TTC7B: variants seen among roughly 807,000 people sequenced by gnomAD.
TTC7B encodes tetratricopeptide repeat protein 7B.
In TTC7B, 28 loss-of-function variants were observed where a neutral mutation model predicts 106.8. That is an observed-to-expected ratio of 0.26 (90% CI 0.19 to 0.36). The LOEUF (loss-of-function observed/expected upper bound fraction) is 0.36, where lower values mean the gene tolerates loss of function less well. Ranked by LOEUF, TTC7B falls within the 10% of genes least tolerant of loss-of-function variation. The pLI, the probability that TTC7B is intolerant of heterozygous loss-of-function variation, is 1.00. For synonymous variants in TTC7B, 405 were observed against 430.6 expected (o/e 0.94, Z 0.74); for missense variants, 862 against 1,076.4 (o/e 0.80, Z 2.79).
At chr14:90,583,369 A>G (rs969761382) in intron 18 of TTC7B, among the ~76,000 whole-genome samples, 11 of 152,246 alleles carry the variant, frequency 7.2e-5, no homozygotes, top group Admixed American at 2.0e-4. Flanking sequence ...GGTGTGGGTC[A>G]GAGCAGGGCA....
chr14:90,730,446 T>C (rs1399533358), intron 4 of TTC7B, among the ~76,000 whole-genome samples: 1 of 152,082 alleles, frequency 6.6e-6, no homozygotes, highest in Non-Finnish European at 1.5e-5. Context: ...TCGGGGGTGC[T>C]GATGAGCAGG....
chr14:90,652,463 A>C (rs1885765792), intron 13 of TTC7B, among the ~76,000 whole-genome samples: 1 of 147,228 alleles, frequency 6.8e-6, no homozygotes, highest in Non-Finnish European at 1.5e-5. Flanking sequence ...TTTATACAAA[A>C]ACCTGCAGTT....
intron 17 of TTC7B, among the ~76,000 whole-genome samples, chr14:90,597,808 T>C (rs1006872256): frequency 6.6e-6 from 1 of 152,210 alleles, no homozygotes; most frequent in Non-Finnish European, 1.5e-5. Context: ...AGCACATTTT[T>C]AAAGAACCCC....
At chr14:90,650,514 A>T (rs1885670683) in intron 13 of TTC7B, among the ~76,000 whole-genome samples, 1 of 152,172 alleles carries the variant, frequency 6.6e-6, no homozygotes, top group African/African-American at 2.4e-5. Context: ...CTATATGCAC[A>T]CATCATACCA....
intron 19 of TTC7B, among the ~76,000 whole-genome samples, chr14:90,574,119 C>T (rs1019676553): frequency 6.6e-6 from 1 of 152,204 alleles, no homozygotes; most frequent in Non-Finnish European, 1.5e-5. Flanking sequence ...CACCATGAGC[C>T]ATGCTTCTCT....
At position 90,786,308 on chromosome 14, in the gene TTC7B, G is replaced by C; in HGVS notation, c.142C>G (p.Leu48Val). Residue 48 changes from leucine to valine, a missense_variant, in exon 2 of 20, where the codon CTC becomes GTC. Coordinates refer to ENST00000328459, the MANE Select transcript of TTC7B (RefSeq NM_001010854.2). ...TACTGCTCCAGCTTCGACTCCCCGA[G>C]GAGAAGCTCTGCCATGTCATCTACA... ...IANDDMAELLLGESKLEQYLK... is the reference protein window; with the variant it reads ...IANDDMAELLVGESKLEQYLK... 6.2e-7 allele frequency: 1 copy of C among 1,613,470 alleles called. No homozygotes were observed. Among genetic ancestry groups the C allele is most frequent in the African/African-American group, 1.3e-5 (1 of 74,986 alleles).
chr14:90,700,293 C>A (rs778998779), intron 5 of TTC7B, among the ~76,000 whole-genome samples: 6 of 152,150 alleles, frequency 3.9e-5, no homozygotes. Flanking sequence ...AACTTTCCTG[C>A]CCTTGTGCCT....
At chr14:90,710,204 G>A (rs1345795842) in intron 5 of TTC7B, among the ~76,000 whole-genome samples, 2 of 152,214 alleles carry the variant, frequency 1.3e-5, no homozygotes, top group East Asian at 3.9e-4. Flanking sequence ...TGACTTTGAG[G>A]GCTTCAAATC....
chr14:90,549,005 G>A (rs1255995637), intron 19 of TTC7B, among the ~76,000 whole-genome samples: 1 of 151,958 alleles, frequency 6.6e-6, no homozygotes, highest in East Asian at 1.9e-4. Flanking sequence ...GCGGGCGCCT[G>A]TAGTCCCAGC....
At chr14:90,622,370 C>T (rs181770307) in intron 15 of TTC7B, among the ~76,000 whole-genome samples, 211 of 152,046 alleles carry the variant, frequency 1.4e-3, no homozygotes, top group African/African-American at 4.9e-3. Flanking sequence ...CTACCTGCCT[C>T]GGCCTCCTGA....
At position 90,676,649 on chromosome 14, in the gene TTC7B, G is replaced by T; in HGVS notation, c.1026C>A (p.Asp342Glu). 6.2e-7 allele frequency: 1 copy of T among 1,613,870 alleles called. No individual in the cohort carries two copies. Among genetic ancestry groups the T allele is most frequent in the Non-Finnish European group, 8.5e-7 (1 of 1,179,896 alleles). Residue 342 changes from aspartate (D) to glutamate (E), a missense_variant, in exon 9 of 20, where the codon GAC becomes GAA. Asp to Glu is a conservative substitution (Grantham distance 45, BLOSUM62 2). Coordinates refer to ENST00000328459, the MANE Select transcript of TTC7B (RefSeq NM_001010854.2). ...GTTCAGGTATCCTGCTCAGCACAGC[G>T]TCCCGGTTGGCCTGAAAAAACATGG... ...LLISESMANRDAVLSRIPEHK... is the reference protein window; with the variant it reads ...LLISESMANREAVLSRIPEHK...
chr14:90,661,386 G>C (rs1886198505), intron 9 of TTC7B, among the ~76,000 whole-genome samples: 1 of 152,200 alleles, frequency 6.6e-6, no homozygotes, highest in Non-Finnish European at 1.5e-5. Context: ...AATGAAAGCA[G>C]CATGCTGAGA....
chr14:90,661,872 A>G (rs1487715813), intron 9 of TTC7B, among the ~76,000 whole-genome samples: 1 of 152,238 alleles, frequency 6.6e-6, no homozygotes, highest in Admixed American at 6.5e-5. Context: ...GATGCTATAA[A>G]TAAGTATGCA....
rs145392805 is a variant in TTC7B at position 90,541,600 on chromosome 14, C to CAG, written c.2311-13_2311-12dup. 282 of 1,532,012 alleles carry CAG rather than the reference C, an allele frequency of 1.8e-4. No homozygotes were observed. The Middle Eastern group carries it at 4.7e-3, about 26-fold the overall frequency. 94.9% of individuals were successfully genotyped at this position (1,532,012 alleles called of 1,614,324 possible). A position where few individuals can be genotyped will look rare whatever the true frequency, so the allele number is the denominator to read the frequency against. On this transcript the variant is annotated splice_polypyrimidine_tract_variant and intron_variant, in intron 19 of 19. Coordinates refer to ENST00000328459, the MANE Select transcript of TTC7B (RefSeq NM_001010854.2). Reference sequence around the variant, plus strand: ...GTGAAGGATCAGGGCCTGGAGAGGTCAGAGAGAGAGAGAGACAGTCAGCCA... The same window carrying CAG: ...GTGAAGGATCAGGGCCTGGAGAGGTCAGAGAGAGAGAGAGAGACAGTCAGCCA...
intron 3 of TTC7B, among the ~76,000 whole-genome samples, chr14:90,758,250 G>A (rs1391294388): frequency 6.6e-6 from 1 of 150,914 alleles, no homozygotes; most frequent in Non-Finnish European, 1.5e-5. Flanking sequence ...CACTGTCCCG[G>A]TGGCCGCGGC....
chr14:90,809,697 TC>T lies in TTC7B; in HGVS notation c.121+6477del, dbSNP rs566412806. ...CCTTACTTACACCTGTTCCAACTGC[TC>T]ATGAAAGCCGAGCCAATTCAACACA... is the stretch of plus-strand genomic sequence containing the variant. On this transcript the variant is annotated intron_variant, in intron 1 of 19. Coordinates refer to ENST00000328459, the MANE Select transcript of TTC7B (RefSeq NM_001010854.2). 2.9e-3 allele frequency among the ~76,000 whole-genome samples: 440 copies of T among 152,364 alleles called. 2 individuals are homozygous for T. Among genetic ancestry groups the T allele is most frequent in the Non-Finnish European group, 4.2e-3 (286 of 68,026 alleles).
At chr14:90,804,604 T>C (rs2030493981) in intron 1 of TTC7B, among the ~76,000 whole-genome samples, 1 of 152,166 alleles carries the variant, frequency 6.6e-6, no homozygotes, top group Admixed American at 6.5e-5. Flanking sequence ...TGCCACAGGC[T>C]GCAAGCCAGC....
At chr14:90,638,691 C>T (rs1485060484) in intron 15 of TTC7B, among the ~76,000 whole-genome samples, 1 of 152,088 alleles carries the variant, frequency 6.6e-6, no homozygotes, top group African/African-American at 2.4e-5. Context: ...AAACTAATTC[C>T]AAAATCTCCA....
At chr14:90,716,621 A>G (rs189394561) in intron 5 of TTC7B, among the ~76,000 whole-genome samples, 6 of 152,288 alleles carry the variant, frequency 3.9e-5, no homozygotes, top group Admixed American at 3.9e-4. Flanking sequence ...ATGTGTGTTT[A>G]ATTTACTAGC....
Sources: gnomAD v4.1 joint callset for allele counts (sites outside exome capture counted in the v4.1 genomes callset) on GRCh38, gnomAD v4.1.1 for gene constraint, MANE v1.5 for transcripts, NCBI Gene and HGNC (gene_info 2026-07-23, HGNC 2026-07-21) for gene names.